The following BICRAL variants were observed in gnomAD, a reference collection of about 807,000 sequenced individuals.
BICRAL encodes the protein BICRA like chromatin remodeling complex associated protein, also known as BRD4-interacting chromatin-remodeling complex-associated protein-like.
A neutral mutation model predicts 91.8 loss-of-function variants in BICRAL; 8 were observed. The ratio of observed to expected loss-of-function variants is 0.09; its 90% CI spans 0.05 to 0.16. The LOEUF is 0.16. BICRAL is among the 10% of genes least tolerant of loss of function. The probability of loss-of-function intolerance (pLI) is 1.00; values close to 1 mark genes in which losing one functional copy is unlikely to be tolerated. For missense variants in BICRAL, 1,038 were observed against 1,310.9 expected, an observed-to-expected ratio of 0.79 and a Z score of 3.21; for synonymous variants, 445 against 491.1, an observed-to-expected ratio of 0.91 and a Z score of 1.24.
chr6:42,819,486 G>A (rs765982046), intron 2 of BICRAL, among the ~76,000 whole-genome samples: 4 of 151,642 alleles, frequency 2.6e-5, no homozygotes, highest in African/African-American at 7.3e-5. Flanking sequence ...GGGTTTCACC[G>A]TGTTGGCCAG....
intron 1 of BICRAL, among the ~76,000 whole-genome samples, chr6:42,792,227 TTCC>T (rs1218087443): frequency 6.6e-6 from 1 of 152,158 alleles, no homozygotes; most frequent in Admixed American, 6.6e-5. Context: ...ATATTTTTCC[TTCC>T]TCAATAATAA....
intron 1 of BICRAL, among the ~76,000 whole-genome samples, chr6:42,785,260 T>A (rs992874813): frequency 6.6e-6 from 1 of 152,120 alleles, no homozygotes; most frequent in Non-Finnish European, 1.5e-5. Flanking sequence ...GACAGCTGTG[T>A]AACAAACGTA....
chr6:42,806,912 C>A (rs531255455), intron 1 of BICRAL, among the ~76,000 whole-genome samples: 62 of 152,208 alleles, frequency 4.1e-4, no homozygotes, highest in South Asian at 1.7e-3. Context: ...CTCACTGCAA[C>A]CTCTGCCTCC....
At chr6:42,809,126 G>A (rs1243274294) in intron 1 of BICRAL, among the ~76,000 whole-genome samples, 2 of 149,494 alleles carry the variant, frequency 1.3e-5, no homozygotes, top group Non-Finnish European at 3.0e-5. Flanking sequence ...AGGCCCCGGT[G>A]TGTGATGTTC....
chr6:42,796,374 A>C (rs552270081), intron 1 of BICRAL, among the ~76,000 whole-genome samples: 1 of 152,280 alleles, frequency 6.6e-6, no homozygotes, highest in South Asian at 2.1e-4. Context: ...CTAAGATATG[A>C]GCATGCATTT....
At chr6:42,779,190 C>T (rs1762844920), upstream of BICRAL, among the ~76,000 whole-genome samples, 1 of 149,992 alleles carries the variant, frequency 6.7e-6, no homozygotes, top group Non-Finnish European at 1.5e-5. Flanking sequence ...GCACTCCAGC[C>T]TGAGTCACAG....
In BICRAL at chr6:42,770,412, AT is replaced by A. The variant is rs531644287; in HGVS notation, c.-260-11408del. 6.2e-3 allele frequency among the ~76,000 whole-genome samples: 783 copies of A among 126,198 alleles called. 7 individuals are homozygous for A. The highest frequency in any genetic ancestry group is 0.02 in the African/African-American group (633 of 31,818). The allele number at this position is 126,198 out of a possible 152,430, so 82.8% of individuals were successfully genotyped here. ...CCCGGCTAATTTTATTATTATTATT[AT>A]TTTTTTTTTTTTTTTTTTGAGACGG... is the stretch of plus-strand genomic sequence containing the variant. On this transcript the variant is annotated intron_variant, in intron 1 of 14. Coordinates refer to the BICRAL transcript ENST00000614467.
chr6:42,756,266 T>C (rs1762458029), intron 1 of BICRAL, among the ~76,000 whole-genome samples: 1 of 152,200 alleles, frequency 6.6e-6, no homozygotes. Context: ...AATGCATCGC[T>C]CTTTGTAGCC....
chr6:42,751,859 G>C (rs1762386703), intron 1 of BICRAL, among the ~76,000 whole-genome samples: 1 of 151,902 alleles, frequency 6.6e-6, no homozygotes, highest in African/African-American at 2.4e-5. Flanking sequence ...GTTTCTCCAT[G>C]TTGGTCAGGC....
intron 1 of BICRAL, among the ~76,000 whole-genome samples, chr6:42,789,181 C>T (rs1187654728): frequency 6.6e-6 from 1 of 152,146 alleles, no homozygotes; most frequent in Non-Finnish European, 1.5e-5. Flanking sequence ...ATTTCTAAAG[C>T]TGGATAGGGC....
At chr6:42,861,502 G>A (rs926384915) in intron 11 of BICRAL, among the ~76,000 whole-genome samples, 6 of 152,132 alleles carry the variant, frequency 3.9e-5, no homozygotes, top group African/African-American at 7.2e-5. Context: ...TAGAAAGACC[G>A]AACCTGAGAT....
intron 6 of BICRAL, among the ~76,000 whole-genome samples, chr6:42,833,682 A>G (rs1056491124): frequency 6.6e-6 from 1 of 151,774 alleles, no homozygotes; most frequent in African/African-American, 2.4e-5. Context: ...TCCTGAACTC[A>G]GGTGATCTGC....
At chr6:42,813,333 G>A (rs991511406) in intron 2 of BICRAL, among the ~76,000 whole-genome samples, 2 of 151,932 alleles carry the variant, frequency 1.3e-5, no homozygotes, top group Admixed American at 1.3e-4. Context: ...AATATTTAAA[G>A]TGTCCAGAGG....
chr6:42,813,433 A>G (rs762524920), intron 2 of BICRAL, among the ~76,000 whole-genome samples: 11 of 152,244 alleles, frequency 7.2e-5, no homozygotes, highest in Non-Finnish European at 1.5e-4. Context: ...GTACATCAGT[A>G]TCTTTAAAGA....
intron 1 of BICRAL, among the ~76,000 whole-genome samples, chr6:42,792,564 C>T (rs1217297333): frequency 2.0e-5 from 3 of 151,906 alleles, no homozygotes; most frequent in Middle Eastern, 3.2e-3. Context: ...TAAGCCACTC[C>T]GCTTGGCCTA....
chr6:42,788,325 A>G (rs550248194), intron 1 of BICRAL, among the ~76,000 whole-genome samples: 1 of 151,178 alleles, frequency 6.6e-6, no homozygotes, highest in East Asian at 2.0e-4. Context: ...CTTGGGTTCA[A>G]GCAATTCTCC....
At chr6:42,806,310 G>C (rs1182562997) in intron 1 of BICRAL, among the ~76,000 whole-genome samples, 1 of 152,126 alleles carries the variant, frequency 6.6e-6, no homozygotes, top group Non-Finnish European at 1.5e-5. Context: ...CCAGATTCCA[G>C]ATGAATCAGA....
chr6:42,811,949 C>G (rs187640830), intron 2 of BICRAL, among the ~76,000 whole-genome samples: 11 of 152,224 alleles, frequency 7.2e-5, no homozygotes, highest in African/African-American at 2.6e-4. Flanking sequence ...TAAAAGCAAT[C>G]CTTAAAAGGA....
At chr6:42,779,269 CACACAT>C (rs1407778517), upstream of BICRAL, among the ~76,000 whole-genome samples, 198 of 134,630 alleles carry the variant, frequency 1.5e-3, no homozygotes, top group East Asian at 0.028. Context: ...CACACACACA[CACACAT>C]ATCATTGGAG....
Sources: allele counts gnomAD v4.1 joint callset (sites outside exome capture counted in the v4.1 genomes callset), GRCh38; gene constraint gnomAD v4.1.1; transcripts MANE v1.5; gene names NCBI Gene and HGNC (gene_info 2026-07-23, HGNC 2026-07-21).